PPP4R3B: variants seen among roughly 807,000 people sequenced by gnomAD.
PPP4R3B encodes the protein serine/threonine-protein phosphatase 4 regulatory subunit 3B.
A neutral mutation model predicts 95.4 loss-of-function variants in PPP4R3B; 52 were observed. The observed-to-expected ratio is 0.54, with a 90% CI of 0.44 to 0.69. The LOEUF (loss-of-function observed/expected upper bound fraction) is 0.69. Among genes scored for constraint, PPP4R3B ranks in the 30% least tolerant of loss-of-function variants. The probability of loss-of-function intolerance (pLI) is 0.00; values close to 1 mark genes in which losing one functional copy is unlikely to be tolerated. For missense variants in PPP4R3B, 1,003 were observed against 1,005.9 expected, an observed-to-expected ratio of 1.00 and a Z score of 0.04; for synonymous variants, 407 against 343.9, an observed-to-expected ratio of 1.18 and a Z score of -2.03.
chr2:55,598,182 T>C (rs552082009), intron 4 of PPP4R3B, among the ~76,000 whole-genome samples: 1 of 152,302 alleles, frequency 6.6e-6, no homozygotes, highest in African/African-American at 2.4e-5. Context: ...ATTGCGCCAC[T>C]GCATTCCAGC....
chr2:55,585,885 C>T (rs75368071), intron 6 of PPP4R3B, among the ~76,000 whole-genome samples: 2 of 152,152 alleles, frequency 1.3e-5, no homozygotes, highest in South Asian at 2.1e-4. Flanking sequence ...TAACACTGAG[C>T]CTTTGTCATT....
chr2:55,582,202 CTG>C (rs1483532390), intron 7 of PPP4R3B, among the ~76,000 whole-genome samples: 1 of 152,182 alleles, frequency 6.6e-6, no homozygotes, highest in African/African-American at 2.4e-5. Flanking sequence ...CAAGTGAACA[CTG>C]TGTTATATAA....
chr2:55,602,861 T>G (rs1244658285), intron 3 of PPP4R3B, among the ~76,000 whole-genome samples: 2 of 152,136 alleles, frequency 1.3e-5, no homozygotes, highest in African/African-American at 4.8e-5. Context: ...GTCTTTCCAG[T>G]GAATTATGGA....
chr2:55,604,973 G>A (rs947068634), intron 2 of PPP4R3B, among the ~76,000 whole-genome samples: 1 of 151,994 alleles, frequency 6.6e-6, no homozygotes, highest in Non-Finnish European at 1.5e-5. Flanking sequence ...CCAAGTAGCT[G>A]GGACTACAGG....
chr2:55,572,472 T>C (rs970251981), intron 12 of PPP4R3B, among the ~76,000 whole-genome samples: 1 of 152,072 alleles, frequency 6.6e-6, no homozygotes, highest in Non-Finnish European at 1.5e-5. Context: ...TACACTAATA[T>C]ATGAAAAGAT....
chr2:55,551,354 C>CA (rs542359964), intron 16 of PPP4R3B, among the ~76,000 whole-genome samples: 76 of 144,516 alleles, frequency 5.3e-4, no homozygotes, highest in South Asian at 1.3e-3. Flanking sequence ...AAAAGAAAAA[C>CA]AAAAAAAAAC....
At chr2:55,566,256 A>T (rs1298614480) in intron 13 of PPP4R3B, among the ~76,000 whole-genome samples, 1 of 152,200 alleles carries the variant, frequency 6.6e-6, no homozygotes, top group Admixed American at 6.5e-5. Flanking sequence ...CAGAAATTAG[A>T]AACCTAGGTA....
chr2:55,594,677 T>A (rs935764801), intron 4 of PPP4R3B, among the ~76,000 whole-genome samples: 5 of 152,204 alleles, frequency 3.3e-5, no homozygotes, highest in Admixed American at 3.3e-4. Context: ...CCTCTTTTTA[T>A]CAACTACAGA....
At chr2:55,595,286 A>T (rs1691609898) in intron 4 of PPP4R3B, among the ~76,000 whole-genome samples, 1 of 151,710 alleles carries the variant, frequency 6.6e-6, no homozygotes, top group Non-Finnish European at 1.5e-5. Flanking sequence ...TGGCCTCCCA[A>T]AGTGCTGGGA....
rs112738568 is a variant in PPP4R3B at position 55,611,490 on chromosome 2, C to T, written c.198+3961G>A. On this transcript the variant is annotated intron_variant, in intron 2 of 16. Transcript: ENST00000616407. ...TAAGTTTATTGGGTAAGTACATCTTCTTCCATTAACGACTTCAGTACTATG... is the reference window on the plus strand; with the variant it reads ...TAAGTTTATTGGGTAAGTACATCTTTTTCCATTAACGACTTCAGTACTATG... Among the ~76,000 whole-genome samples the T allele has an allele frequency of 5.1e-4, 77 of 152,208 alleles. 1 individual carries two copies. Among genetic ancestry groups the T allele is most frequent in the Non-Finnish European group, 9.3e-4 (63 of 68,042 alleles).
intron 11 of PPP4R3B, 84 bp downstream of exon 11, chr2:55,577,230 CT>C: frequency 6.9e-7 from 1 of 1,444,290 alleles, no homozygotes; most frequent in Non-Finnish European, 9.1e-7. Flanking sequence ...ATATGCTTTT[CT>C]TAGCCTTATA....
chr2:55,614,370 TAAC>T (rs1332809980), intron 2 of PPP4R3B: 12 of 152,282 alleles, frequency 7.9e-5, no homozygotes, highest in East Asian at 5.8e-4. Flanking sequence ...TTCAAATGTA[TAAC>T]AACAAGTGTA....
intron 3 of PPP4R3B, among the ~76,000 whole-genome samples, chr2:55,602,698 C>A (rs1487807659): frequency 1.3e-5 from 2 of 152,166 alleles, no homozygotes; most frequent in African/African-American, 4.8e-5. Context: ...GTGCTGTCTG[C>A]GTGATTCCAC....
chr2:55,588,792 A>G (rs1332625277), intron 5 of PPP4R3B, 87 bp downstream of exon 5: 4 of 734,878 alleles, frequency 5.4e-6, no homozygotes, highest in Non-Finnish European at 8.9e-6. Flanking sequence ...ATTACAAAAA[A>G]TTGTCTCAAG....
intron 2 of PPP4R3B, among the ~76,000 whole-genome samples, chr2:55,607,532 A>G (rs1693586310): frequency 6.6e-6 from 1 of 152,216 alleles, no homozygotes; most frequent in Non-Finnish European, 1.5e-5. Context: ...AAATGAAGAG[A>G]GGTACAGAGC....
At chr2:55,570,153 G>A (rs192590080) in intron 12 of PPP4R3B, among the ~76,000 whole-genome samples, 11 of 152,234 alleles carry the variant, frequency 7.2e-5, no homozygotes, top group African/African-American at 1.7e-4. Context: ...GGGAGGCTGC[G>A]GCAGGAGAAT....
intron 8 of PPP4R3B, among the ~76,000 whole-genome samples, chr2:55,580,077 C>G (rs945165092): frequency 6.6e-6 from 1 of 152,050 alleles, no homozygotes; most frequent in Non-Finnish European, 1.5e-5. Flanking sequence ...GATCAGAGAG[C>G]ATCACAAAAT....
At chr2:55,567,702 C>T (rs1384784809) in intron 13 of PPP4R3B, among the ~76,000 whole-genome samples, 1 of 152,200 alleles carries the variant, frequency 6.6e-6, no homozygotes, top group African/African-American at 2.4e-5. Flanking sequence ...AGACGTAAGC[C>T]ACCACGCCCA....
intron 16 of PPP4R3B, among the ~76,000 whole-genome samples, chr2:55,558,574 C>G (rs1686157610): frequency 6.6e-6 from 1 of 152,120 alleles, no homozygotes; most frequent in Non-Finnish European, 1.5e-5. Flanking sequence ...CTCCACTGCA[C>G]TCCAGCCTGG....
Sources: gnomAD v4.1 joint callset for allele counts (sites outside exome capture counted in the v4.1 genomes callset) on GRCh38, gnomAD v4.1.1 for gene constraint, MANE v1.5 for transcripts, NCBI Gene and HGNC (gene_info 2026-07-23, HGNC 2026-07-21) for gene names.